The following RASEF variants were observed in gnomAD, a reference collection of about 807,000 sequenced individuals.
The protein encoded by RASEF is ras and EF-hand domain-containing protein.
In RASEF, 68 loss-of-function variants were observed where a neutral mutation model predicts 90.1. The observed-to-expected ratio is 0.75, with a 90% CI of 0.62 to 0.92. The LOEUF (loss-of-function observed/expected upper bound fraction) is 0.92. Among genes scored for constraint, RASEF ranks in the 40% least tolerant of loss-of-function variants. The pLI is 0.00. For synonymous variants in RASEF, 331 were observed against 345.2 expected (o/e 0.96, Z 0.46); for missense variants, 949 against 937.2 (o/e 1.01, Z -0.16).
At chr9:83,106,204 T>C in the RASEF span, among the ~76,000 whole-genome samples, 55,883 of 152,086 alleles carry the variant, frequency 0.37, 10,794 homozygotes, top group East Asian at 0.7. Flanking sequence ...TCTGTTTCTT[T>C]GCTTAATCCC....
At chr9:83,005,546 A>G (rs1454550211) in intron 7 of RASEF, 46 bp from the exon 8 acceptor site, 2 of 1,361,376 alleles carry the variant, frequency 1.5e-6, no homozygotes, top group East Asian at 2.3e-5. Context: ...GGAAAGTATC[A>G]TTGGGGGTCA....
the RASEF span, among the ~76,000 whole-genome samples, chr9:83,144,787 T>G: frequency 1.3e-5 from 2 of 152,162 alleles, no homozygotes; most frequent in African/African-American, 4.8e-5. Flanking sequence ...GAAGAAGAGA[T>G]AAACCAGGGC....
chr9:83,196,486 G>A, the RASEF span, among the ~76,000 whole-genome samples: 1 of 152,146 alleles, frequency 6.6e-6, no homozygotes, highest in African/African-American at 2.4e-5. Flanking sequence ...ACCCCAAGTG[G>A]GAGACAGGGC....
chr9:83,040,599 T>C (rs973189160), intron 1 of RASEF, among the ~76,000 whole-genome samples: 1 of 152,354 alleles, frequency 6.6e-6, no homozygotes, highest in East Asian at 1.9e-4. Flanking sequence ...CATTCTGGAA[T>C]ATATAAGTGC....
Position 83,062,833 on chromosome 9 carries a change from C to T in RASEF, c.35G>A (p.Arg12Gln), listed in dbSNP as rs894763705. The change falls in exon 1 of 17, where the codon CGG (arginine) becomes CAG (glutamine). Residue 12 changes from arginine to glutamine, a missense_variant. Arg to Gln is a conservative substitution (Grantham distance 43). Around this residue, in one of 3 missense-constraint regions of RASEF, gnomAD observed 656 missense variants for 592.2 expected, o/e 1.11. Transcript: ENST00000376447. ...GCAGGCGGCGAAGACTGAGCGCAGC[C>T]GGGCCAGCTCCTCTCCGTCCCCATC... ...EADGDGEELA[R>Q]LRSVFAACDA... is the part of the protein sequence containing the mutation. 9.7e-6 allele frequency: 15 copies of T among 1,546,000 alleles called. No homozygotes were observed. The highest frequency in any genetic ancestry group is 9.5e-5 in the South Asian group (8 of 84,066).
chr9:83,147,758 G>T, the RASEF span, among the ~76,000 whole-genome samples: 1 of 152,114 alleles, frequency 6.6e-6, no homozygotes, highest in African/African-American at 2.4e-5. Flanking sequence ...CAGACTTGAA[G>T]GACGGTTAAT....
intron 16 of RASEF, among the ~76,000 whole-genome samples, chr9:82,986,395 T>C (rs926157188): frequency 9.9e-5 from 15 of 152,196 alleles, no homozygotes; most frequent in Non-Finnish European, 1.9e-4. Context: ...TAATGTTAAA[T>C]TACAAGGCCA....
the RASEF span, among the ~76,000 whole-genome samples, chr9:83,136,780 T>C: frequency 1.7e-4 from 26 of 152,122 alleles, no homozygotes; most frequent in Admixed American, 3.3e-4. Context: ...AAATGTTTTT[T>C]CCTTGCATAG....
chr9:83,080,698 T>C, the RASEF span, among the ~76,000 whole-genome samples: 1 of 152,210 alleles, frequency 6.6e-6, no homozygotes, highest in African/African-American at 2.4e-5. Context: ...CATTAACTTC[T>C]GTTAATAACA....
the RASEF span, among the ~76,000 whole-genome samples, chr9:83,074,169 G>A: frequency 1.3e-5 from 2 of 152,180 alleles, no homozygotes; most frequent in Non-Finnish European, 2.9e-5. Flanking sequence ...AAGTGATGGT[G>A]CAGCCACAGA....
At chr9:83,179,779 GCCA>G in the RASEF span, among the ~76,000 whole-genome samples, 8 of 151,914 alleles carry the variant, frequency 5.3e-5, no homozygotes, top group Admixed American at 1.3e-4. Context: ...TGTATAATAT[GCCA>G]CCATTTGTGT....
the RASEF span, among the ~76,000 whole-genome samples, chr9:83,142,580 G>A: frequency 1.9e-4 from 29 of 152,186 alleles, no homozygotes; most frequent in Non-Finnish European, 3.8e-4. Flanking sequence ...ACCATGATAT[G>A]CCAGAGTCAG....
At chr9:83,020,890 ACT>A (rs1041703419) in intron 3 of RASEF, among the ~76,000 whole-genome samples, 7 of 152,020 alleles carry the variant, frequency 4.6e-5, no homozygotes, top group African/African-American at 1.7e-4. Flanking sequence ...AAATGATTTC[ACT>A]CTTTCCTTTT....
At chr9:83,143,107 T>C in the RASEF span, among the ~76,000 whole-genome samples, 1 of 152,206 alleles carries the variant, frequency 6.6e-6, no homozygotes, top group South Asian at 2.1e-4. Context: ...TGATCTGTCC[T>C]TGAAGGATTC....
chr9:83,033,364 C>G (rs1343396310), intron 1 of RASEF, among the ~76,000 whole-genome samples: 3 of 152,194 alleles, frequency 2.0e-5, no homozygotes, highest in African/African-American at 7.2e-5. Flanking sequence ...GATGCACTGA[C>G]AGCATAGAAC....
chr9:83,099,671 T>C, the RASEF span, among the ~76,000 whole-genome samples: 1 of 152,240 alleles, frequency 6.6e-6, no homozygotes, highest in South Asian at 2.1e-4. Flanking sequence ...CTGGTCTCAG[T>C]CTAGTCCTCA....
intron 16 of RASEF, among the ~76,000 whole-genome samples, chr9:82,984,448 G>C (rs902343077): frequency 2.4e-4 from 37 of 152,144 alleles, no homozygotes; most frequent in Non-Finnish European, 1.5e-5. Flanking sequence ...TTGGAAAGAA[G>C]ACATCTCAGC....
At chr9:82,988,057 A>G (rs969460670) in intron 16 of RASEF, among the ~76,000 whole-genome samples, 1 of 152,202 alleles carries the variant, frequency 6.6e-6, no homozygotes, top group Non-Finnish European at 1.5e-5. Context: ...ATCCTTCCCC[A>G]CTGCCATCTG....
intron 1 of RASEF, among the ~76,000 whole-genome samples, chr9:83,042,718 A>C (rs1345367897): frequency 2.0e-5 from 3 of 152,042 alleles, no homozygotes; most frequent in Non-Finnish European, 2.9e-5. Context: ...GAAGAATCCA[A>C]AAGGAGGTTG....
Sources: allele counts gnomAD v4.1 joint callset (sites outside exome capture counted in the v4.1 genomes callset), GRCh38; gene constraint gnomAD v4.1.1; regional missense constraint gnomAD v4.1.1; transcripts MANE v1.5; gene names NCBI Gene and HGNC (gene_info 2026-07-23, HGNC 2026-07-21).